SLC8A1: variants seen among roughly 807,000 people sequenced by gnomAD.
The protein encoded by SLC8A1 is sodium/calcium exchanger 1.
SLC8A1 carries 18 observed loss-of-function variants against 68.3 expected under a neutral mutation model. That is an observed-to-expected ratio of 0.26 (90% CI 0.18 to 0.39). The LOEUF is 0.39. SLC8A1 is among the 10% of genes least tolerant of loss of function. The pLI is 1.00. For synonymous variants in SLC8A1, 475 were observed against 415.5 expected, an observed-to-expected ratio of 1.14 and a Z score of -1.74; for missense variants, 985 against 1,156.7, an observed-to-expected ratio of 0.85 and a Z score of 2.15.
At chr2:40,136,279 C>T (rs955939888) in intron 7 of SLC8A1, among the ~76,000 whole-genome samples, 1 of 152,140 alleles carries the variant, frequency 6.6e-6, no homozygotes, top group African/African-American at 2.4e-5. Flanking sequence ...AAGTGAAGAC[C>T]TTTATGAATC....
chr2:40,170,499 T>C (rs1027412364), intron 4 of SLC8A1, 150 bp from the exon 7 acceptor site: 6 of 656,068 alleles, frequency 9.1e-6, no homozygotes, highest in African/African-American at 7.2e-5. Flanking sequence ...AGGTCACCCC[T>C]AGGTAGGTCA....
chr2:40,232,263 G>A (rs1018224114), intron 2 of SLC8A1, among the ~76,000 whole-genome samples: 34 of 152,266 alleles, frequency 2.2e-4, no homozygotes, highest in African/African-American at 8.2e-4. Context: ...CTGTAGAGAT[G>A]TAACAGAAGG....
rs575036578 is a variant in SLC8A1 at position 40,154,024 on chromosome 2, A to G, written c.2161+6741T>C. 6.6e-5 allele frequency among the ~76,000 whole-genome samples: 10 copies of G among 152,294 alleles called. No homozygotes were observed. In the East Asian group the frequency reaches 1.9e-3, roughly 29 times the overall value. On this transcript the variant is annotated intron_variant, in intron 6 of 7. Transcript: ENST00000406785. ...CCTAAACTAAAGTTGTAGGAGGAAC[A>G]CCTAGGATTGAGCTGAAAGCCTACT... is the stretch of plus-strand genomic sequence containing the variant.
At chr2:40,292,826 CTG>C (rs2069584256) in intron 2 of SLC8A1, among the ~76,000 whole-genome samples, 1 of 152,158 alleles carries the variant, frequency 6.6e-6, no homozygotes, top group Non-Finnish European at 1.5e-5. Context: ...TTAAATTACG[CTG>C]CCTATTCTCT....
chr2:40,503,567 C>A (rs1400194756), intron 1 of SLC8A1, among the ~76,000 whole-genome samples: 1 of 151,968 alleles, frequency 6.6e-6, no homozygotes, highest in Non-Finnish European at 1.5e-5. Context: ...CCAAAAGACT[C>A]CACATGAAAG....
intron 2 of SLC8A1, among the ~76,000 whole-genome samples, chr2:40,232,190 G>C (rs898211755): frequency 1.3e-5 from 2 of 152,056 alleles, no homozygotes; most frequent in East Asian, 1.9e-4. Flanking sequence ...AGGAGACCCT[G>C]AACATTTCAA....
chr2:40,308,030 A>G (rs955941038), intron 2 of SLC8A1, among the ~76,000 whole-genome samples: 3 of 152,198 alleles, frequency 2.0e-5, no homozygotes, highest in Non-Finnish European at 4.4e-5. Flanking sequence ...AATGAAATAA[A>G]ATAATATAAA....
At chr2:40,146,116 C>A (rs1348807929) in intron 6 of SLC8A1, among the ~76,000 whole-genome samples, 2 of 152,194 alleles carry the variant, frequency 1.3e-5, no homozygotes, top group Non-Finnish European at 2.9e-5. Flanking sequence ...TCAACGATAG[C>A]TCAGAAAACA....
At chr2:40,361,471 T>C (rs1674607450) in intron 2 of SLC8A1, among the ~76,000 whole-genome samples, 1 of 152,122 alleles carries the variant, frequency 6.6e-6, no homozygotes, top group African/African-American at 2.4e-5. Flanking sequence ...AGCCTTTTTT[T>C]TTTTTTGTTT....
Position 40,339,756 on chromosome 2 carries a change from T to C in SLC8A1, c.1808+88717A>G, listed in dbSNP as rs111300355. The stretch of plus-strand genomic sequence containing the variant: ...GGAGTATGAGTTGGGCATTGTGAAA[T>C]ACTTTCAATTTCTAAGACGTATCTA... On this transcript the variant is annotated intron_variant, in intron 2 of 7. Transcript: ENST00000406785. Among the ~76,000 whole-genome samples, 1,256 of 152,290 alleles carry C rather than the reference T, an allele frequency of 8.2e-3. 22 individuals are homozygous for C. Among genetic ancestry groups the C allele is most frequent in the African/African-American group, 0.029 (1,191 of 41,564 alleles).
intron 1 of SLC8A1, among the ~76,000 whole-genome samples, chr2:40,459,329 T>C (rs193075073): frequency 6.6e-6 from 1 of 152,210 alleles, no homozygotes; most frequent in South Asian, 2.1e-4. Flanking sequence ...CAAACCTTTT[T>C]TGAGAGTCCC....
chr2:40,231,824 C>T (rs1242296575), intron 2 of SLC8A1, among the ~76,000 whole-genome samples: 1 of 152,110 alleles, frequency 6.6e-6, no homozygotes, highest in Non-Finnish European at 1.5e-5. Flanking sequence ...ACTTTGGGAA[C>T]CTATTTCCTT....
chr2:40,212,917 G>A (rs997093776), intron 2 of SLC8A1, among the ~76,000 whole-genome samples: 1 of 152,138 alleles, frequency 6.6e-6, no homozygotes, highest in Admixed American at 6.5e-5. Context: ...GTGTAGGGGG[G>A]TTGGGCAAGA....
At chr2:40,118,887 G>A (rs1343871504) in intron 7 of SLC8A1, among the ~76,000 whole-genome samples, 1 of 151,960 alleles carries the variant, frequency 6.6e-6, no homozygotes, top group Non-Finnish European at 1.5e-5. Context: ...ACCTCCCCTG[G>A]CACCTGATAC....
chr2:40,415,954 T>G (rs566855431), intron 2 of SLC8A1, among the ~76,000 whole-genome samples: 10 of 147,522 alleles, frequency 6.8e-5, no homozygotes, highest in South Asian at 6.4e-4. Context: ...CCCAGCTACT[T>G]AGGAGGCTGA....
intron 2 of SLC8A1, among the ~76,000 whole-genome samples, chr2:40,225,877 T>A (rs147212757): frequency 1.3e-5 from 2 of 152,280 alleles, no homozygotes; most frequent in East Asian, 3.9e-4. Context: ...AGTATGTTTA[T>A]CACTTGAATG....
intron 6 of SLC8A1, among the ~76,000 whole-genome samples, chr2:40,160,039 G>C (rs931406597): frequency 1.3e-5 from 2 of 150,406 alleles, no homozygotes; most frequent in African/African-American, 4.9e-5. Flanking sequence ...TGGAGCAGAA[G>C]AACAGGAAAA....
At chr2:40,194,518 G>A in intron 2 of SLC8A1, among the ~76,000 whole-genome samples, 1 of 143,532 alleles carries the variant, frequency 7.0e-6, no homozygotes. Context: ...CGCGCGCAAA[G>A]AAAACGAGAG....
chr2:40,100,475 C>T (rs1418677466), exon 8 of SLC8A1: 1 of 152,042 alleles, frequency 6.6e-6, no homozygotes. Context: ...TGAGTGAAAC[C>T]CTGTCAGTCT....
Sources: allele counts gnomAD v4.1 joint callset (sites outside exome capture counted in the v4.1 genomes callset), GRCh38; gene constraint gnomAD v4.1.1; transcripts MANE v1.5; gene names NCBI Gene and HGNC (gene_info 2026-07-23, HGNC 2026-07-21).